Variants in CLYBL observed in about 807,000 individuals in gnomAD.
CLYBL encodes the protein citramalyl-CoA lyase.
A neutral mutation model predicts 38.9 loss-of-function variants in CLYBL; 31 were observed. That is an observed-to-expected ratio of 0.80 (90% CI 0.60 to 1.08). CLYBL has a LOEUF of 1.08. CLYBL is among the 50% of genes least tolerant of loss of function. The probability of loss-of-function intolerance (pLI) is 0.00; values close to 1 mark genes in which losing one functional copy is unlikely to be tolerated. For synonymous variants in CLYBL, 171 were observed against 158.6 expected (o/e 1.08, Z -0.59); for missense variants, 434 against 411.6 (o/e 1.05, Z -0.47).
chr13:99,618,287 T>C (rs2046744094), intron 1 of CLYBL, among the ~76,000 whole-genome samples: 1 of 152,060 alleles, frequency 6.6e-6, no homozygotes, highest in Non-Finnish European at 1.5e-5. Flanking sequence ...CTTTTTTTTT[T>C]TTGAGGTGGA....
intron 2 of CLYBL, among the ~76,000 whole-genome samples, chr13:99,855,538 G>A (rs778967853): frequency 4.6e-5 from 7 of 152,168 alleles, no homozygotes; most frequent in Admixed American, 6.5e-5. Flanking sequence ...GAAGGATGAG[G>A]TGGTGGAGAT....
rs201031083 is a variant in CLYBL, at chr13:99,842,712, T to TAA, written c.250-16149_250-16148insAA. ...GTTTAAATCTGTACAGCCCTTTTTT[T>TAA]TAAAAAAAAAAGCAATTTTAGTTTA... On this transcript the variant is annotated intron_variant, in intron 2 of 8. Transcript: ENST00000339105. Among the ~76,000 whole-genome samples the TAA allele has an allele frequency of 4.8e-4, 52 of 108,710 alleles. No homozygotes were observed. The South Asian group carries it at 0.014, about 28-fold the overall frequency. 71.3% of individuals were successfully genotyped at this position (108,710 alleles called of 152,430 possible).
chr13:99,663,020 T>C (rs2047431714), intron 1 of CLYBL, among the ~76,000 whole-genome samples: 1 of 152,206 alleles, frequency 6.6e-6, no homozygotes, highest in Non-Finnish European at 1.5e-5. Flanking sequence ...ATAAAATTAC[T>C]CAAATGTAGC....
chr13:99,903,386 GCACACTGA>G (rs913144223), intron 8 of CLYBL, among the ~76,000 whole-genome samples: 39 of 151,038 alleles, frequency 2.6e-4, no homozygotes, highest in African/African-American at 9.0e-4. Flanking sequence ...ACACACGCAC[GCACACTGA>G]CACACACATA....
chr13:99,871,990 C>CA (rs113487766), intron 7 of CLYBL, among the ~76,000 whole-genome samples: 13,791 of 119,190 alleles, frequency 0.12, 2,117 homozygotes, highest in African/African-American at 0.37. Flanking sequence ...TTCCCCCCTG[C>CA]AAAAAAAAAA....
chr13:99,830,628 G>C (rs1279204718), intron 2 of CLYBL, among the ~76,000 whole-genome samples: 1 of 152,190 alleles, frequency 6.6e-6, no homozygotes, highest in Non-Finnish European at 1.5e-5. Context: ...CTAGGACACA[G>C]TGACACCCCT....
chr13:99,890,112 C>T (rs1029007169), intron 7 of CLYBL, among the ~76,000 whole-genome samples: 2 of 152,130 alleles, frequency 1.3e-5, no homozygotes, highest in Non-Finnish European at 2.9e-5. Context: ...GCTTTCTGTC[C>T]GTTTAATCTA....
At chr13:99,863,251 A>C (rs1369624095) in intron 4 of CLYBL, among the ~76,000 whole-genome samples, 159 bp downstream of exon 4, 1 of 152,240 alleles carries the variant, frequency 6.6e-6, no homozygotes, top group Non-Finnish European at 1.5e-5. Context: ...TAGTCCAAAA[A>C]CCAGGTTGCC....
chr13:99,901,226 T>C (rs1460077107), downstream of CLYBL, among the ~76,000 whole-genome samples: 1 of 152,232 alleles, frequency 6.6e-6, no homozygotes, highest in Non-Finnish European at 1.5e-5. Context: ...CTTTGCATCA[T>C]CTCTCCTTCC....
At chr13:99,779,054 G>A (rs1233031549) in intron 2 of CLYBL, among the ~76,000 whole-genome samples, 28 of 152,172 alleles carry the variant, frequency 1.8e-4, no homozygotes, top group Admixed American at 1.8e-3. Context: ...CTGTTGTTGA[G>A]AGTGGCAAAA....
chr13:99,877,972 C>CA (rs532513171), intron 7 of CLYBL, among the ~76,000 whole-genome samples: 5 of 150,204 alleles, frequency 3.3e-5, no homozygotes, highest in East Asian at 1.9e-4. Flanking sequence ...CAGTGGGCCT[C>CA]AAAAAAAAAG....
chr13:99,632,668 C>A (rs1429652765), intron 1 of CLYBL, among the ~76,000 whole-genome samples: 3 of 152,062 alleles, frequency 2.0e-5, no homozygotes, highest in East Asian at 1.9e-4. Context: ...TCCCTTGAAC[C>A]TGGGAGGCGG....
At chr13:99,791,894 G>A (rs560692689) in intron 2 of CLYBL, among the ~76,000 whole-genome samples, 4 of 152,014 alleles carry the variant, frequency 2.6e-5, no homozygotes, top group Non-Finnish European at 4.4e-5. Flanking sequence ...GGGACAGATA[G>A]GTTTTCTCTC....
At chr13:99,760,324 T>C (rs911353012) in intron 1 of CLYBL, among the ~76,000 whole-genome samples, 1 of 152,248 alleles carries the variant, frequency 6.6e-6, no homozygotes, top group African/African-American at 2.4e-5. Flanking sequence ...TTATCACTGC[T>C]CTTATATGGC....
intron 1 of CLYBL, among the ~76,000 whole-genome samples, chr13:99,623,352 A>T (rs9554618): frequency 6.6e-6 from 1 of 152,008 alleles, no homozygotes; most frequent in Non-Finnish European, 1.5e-5. Flanking sequence ...TTAAATGTAC[A>T]AATTGTCTAA....
At chr13:99,877,248 G>A (rs760348950) in intron 7 of CLYBL, among the ~76,000 whole-genome samples, 3 of 152,164 alleles carry the variant, frequency 2.0e-5, no homozygotes, top group Non-Finnish European at 4.4e-5. Flanking sequence ...GGTGTTCAGT[G>A]CCTATGGCAG....
chr13:99,667,857 A>G (rs1269865505), intron 1 of CLYBL, among the ~76,000 whole-genome samples: 4 of 152,230 alleles, frequency 2.6e-5, no homozygotes, highest in African/African-American at 7.2e-5. Flanking sequence ...ACAAAAGGAT[A>G]GATGCATTTG....
chr13:99,846,891 C>CCTCATACCTGCCCAA (rs1478783636), intron 2 of CLYBL, among the ~76,000 whole-genome samples: 1 of 152,168 alleles, frequency 6.6e-6, no homozygotes, highest in Non-Finnish European at 1.5e-5. Context: ...CTTAGGGCAT[C>CCTCATACCTGCCCAA]CTCATACCTG....
intron 1 of CLYBL, among the ~76,000 whole-genome samples, chr13:99,711,555 C>T (rs184625935): frequency 4.0e-5 from 6 of 151,572 alleles, no homozygotes; most frequent in African/African-American, 1.2e-4. Context: ...TACAGGCATG[C>T]ACCACCACGC....
Sources: allele counts gnomAD v4.1 joint callset (sites outside exome capture counted in the v4.1 genomes callset), GRCh38; gene constraint gnomAD v4.1.1; transcripts MANE v1.5; gene names NCBI Gene and HGNC (gene_info 2026-07-23, HGNC 2026-07-21).